FHIT: variants seen among roughly 807,000 people sequenced by gnomAD.
FHIT encodes the protein fragile histidine triad diadenosine triphosphatase.
In FHIT, 19 loss-of-function variants were observed where a neutral mutation model predicts 17.9. The observed-to-expected ratio is 1.06, with a 90% CI of 0.74 to 1.56. The LOEUF (loss-of-function observed/expected upper bound fraction) is 1.56. FHIT is among the 40% of genes most tolerant of loss of function. The pLI is 0.00. For synonymous variants in FHIT, 81 were observed against 69.7 expected (o/e 1.16, Z -0.81); for missense variants, 248 against 189.2 (o/e 1.31, Z -1.82).
chr3:60,064,818 C>T (rs745990779), intron 5 of FHIT, among the ~76,000 whole-genome samples: 6 of 152,220 alleles, frequency 3.9e-5, no homozygotes, highest in Non-Finnish European at 5.9e-5. Context: ...AATACACTGA[C>T]ACATGCTGTG....
At chr3:60,316,444 T>A (rs553992608) in intron 5 of FHIT, among the ~76,000 whole-genome samples, 1 of 152,318 alleles carries the variant, frequency 6.6e-6, no homozygotes, top group South Asian at 2.1e-4. Flanking sequence ...TTAGAGCCTA[T>A]TCATTAAGCA....
intron 5 of FHIT, among the ~76,000 whole-genome samples, chr3:60,452,267 C>A (rs1454154386): frequency 6.6e-6 from 1 of 152,134 alleles, no homozygotes; most frequent in Non-Finnish European, 1.5e-5. Context: ...TAACCTACTT[C>A]CTGAGCACTG....
chr3:61,245,015 C>T (rs774467591), intron 1 of FHIT, among the ~76,000 whole-genome samples: 5 of 152,082 alleles, frequency 3.3e-5, no homozygotes, highest in African/African-American at 4.8e-5. Flanking sequence ...CCCCATAATA[C>T]GCCAACTTTT....
intron 8 of FHIT, among the ~76,000 whole-genome samples, chr3:59,882,000 G>T (rs1489905814): frequency 6.6e-6 from 1 of 152,084 alleles, no homozygotes; most frequent in Non-Finnish European, 1.5e-5. Flanking sequence ...TTCACATGAA[G>T]AACTTTTTAT....
At chr3:61,212,433 A>G (rs1304421565) in intron 1 of FHIT, among the ~76,000 whole-genome samples, 8 of 152,092 alleles carry the variant, frequency 5.3e-5, no homozygotes, top group Non-Finnish European at 8.8e-5. Flanking sequence ...GAAATGAAGC[A>G]AGAAGAGAAG....
intron 7 of FHIT, among the ~76,000 whole-genome samples, chr3:60,002,905 T>C (rs1699782253): frequency 6.6e-6 from 1 of 152,198 alleles, no homozygotes; most frequent in Non-Finnish European, 1.5e-5. Context: ...TTGCAGTTGA[T>C]ATTCTGGGTA....
rs570677439 is a variant in FHIT at position 59,779,254 on chromosome 3, C to A, written c.349-26933G>T. ...CAGACTCTAGGGGTGCTTTTGGAAA[C>A]CACTGTGATCAGAAACGTATATATT... On this transcript the variant is annotated intron_variant, in intron 8 of 9. Coordinates refer to ENST00000492590, the MANE Select transcript of FHIT (RefSeq NM_002012.4). 2.6e-4 allele frequency among the ~76,000 whole-genome samples: 40 copies of A among 152,250 alleles called. 1 individual carries two copies. The South Asian group carries it at 8.1e-3, about 31-fold the overall frequency.
intron 5 of FHIT, among the ~76,000 whole-genome samples, chr3:60,502,268 G>T (rs1469134648): frequency 6.6e-6 from 1 of 152,098 alleles, no homozygotes; most frequent in Non-Finnish European, 1.5e-5. Context: ...GATTACTAAG[G>T]CTTTGAAAGC....
intron 4 of FHIT, among the ~76,000 whole-genome samples, chr3:60,657,034 C>G (rs1054359108): frequency 1.3e-5 from 2 of 151,490 alleles, no homozygotes; most frequent in South Asian, 4.2e-4. Context: ...TAGACAAATT[C>G]AAACTCAAAC....
intron 1 of FHIT, among the ~76,000 whole-genome samples, chr3:61,233,035 G>C (rs2040144586): frequency 1.3e-5 from 2 of 151,500 alleles, no homozygotes; most frequent in African/African-American, 4.8e-5. Context: ...GAGAAGAGGA[G>C]CAAGAACAAA....
intron 3 of FHIT, among the ~76,000 whole-genome samples, chr3:60,882,048 G>A (rs879966018): frequency 4.6e-5 from 7 of 151,728 alleles, no homozygotes; most frequent in Admixed American, 1.3e-4. Flanking sequence ...GAAACAAAAA[G>A]AGAGACCTTA....
rs35221092 is a variant in FHIT at position 60,957,233 on chromosome 3, C to CTTTTT, written c.-111+84809_-111+84813dup. ...CACCATCTTCTTCTTTTCTTTCTTTCTTTTTTTTTTTTTTTTTTTTTTGAG... is the reference window on the plus strand; with the variant it reads ...CACCATCTTCTTCTTTTCTTTCTTTCTTTTTTTTTTTTTTTTTTTTTTTTTTTGAG... On this transcript the variant is annotated intron_variant, in intron 3 of 9. Transcript: ENST00000492590. Among the ~76,000 whole-genome samples, 255 of 97,110 alleles carry CTTTTT rather than the reference C, an allele frequency of 2.6e-3. 2 individuals are homozygous for CTTTTT. Among genetic ancestry groups the CTTTTT allele is most frequent in the Non-Finnish European group, 3.7e-3 (186 of 50,312 alleles). The allele number at this position is 97,110 out of a possible 152,430, so 63.7% of individuals were successfully genotyped here. A position where few individuals can be genotyped will look rare whatever the true frequency, so the allele number is the denominator to read the frequency against.
At chr3:60,748,770 C>A (rs1329505200) in intron 4 of FHIT, among the ~76,000 whole-genome samples, 1 of 152,158 alleles carries the variant, frequency 6.6e-6, no homozygotes, top group Admixed American at 6.5e-5. Context: ...CTAGATTGAG[C>A]CACTGGACTC....
chr3:60,116,432 C>A (rs2107201158), intron 5 of FHIT, among the ~76,000 whole-genome samples: 1 of 152,200 alleles, frequency 6.6e-6, no homozygotes, highest in South Asian at 2.1e-4. Context: ...ATCATAAAGC[C>A]CATCTTCAGA....
At chr3:59,759,668 C>A (rs895237848) in intron 8 of FHIT, among the ~76,000 whole-genome samples, 1 of 152,136 alleles carries the variant, frequency 6.6e-6, no homozygotes, top group African/African-American at 2.4e-5. Flanking sequence ...TCATATTTCA[C>A]GATTCTGGAT....
chr3:60,566,307 C>T (rs755100427), intron 4 of FHIT, among the ~76,000 whole-genome samples: 29 of 152,040 alleles, frequency 1.9e-4, no homozygotes, highest in South Asian at 8.3e-4. Flanking sequence ...GTTCAACATA[C>T]GCAAATCAAT....
At chr3:60,772,634 A>G (rs997025486) in intron 4 of FHIT, among the ~76,000 whole-genome samples, 2 of 152,128 alleles carry the variant, frequency 1.3e-5, no homozygotes, top group African/African-American at 4.8e-5. Flanking sequence ...CTGCCTTTGT[A>G]AAGCTAATGA....
intron 7 of FHIT, among the ~76,000 whole-genome samples, chr3:59,971,735 T>C (rs1466515327): frequency 1.3e-5 from 2 of 152,180 alleles, no homozygotes; most frequent in Admixed American, 6.5e-5. Context: ...GGTTGCCCCA[T>C]TCACTCATTG....
chr3:59,889,221 C>A (rs891247818), intron 8 of FHIT, among the ~76,000 whole-genome samples: 1 of 152,136 alleles, frequency 6.6e-6, no homozygotes, highest in Non-Finnish European at 1.5e-5. Flanking sequence ...GGGCACTGAC[C>A]AATAAAAATG....
Sources: allele counts gnomAD v4.1 joint callset (sites outside exome capture counted in the v4.1 genomes callset), GRCh38; gene constraint gnomAD v4.1.1; transcripts MANE v1.5; gene names NCBI Gene and HGNC (gene_info 2026-07-23, HGNC 2026-07-21).